DPP10: variants seen among roughly 807,000 people sequenced by gnomAD.
DPP10 encodes the protein inactive dipeptidyl peptidase 10.
A neutral mutation model predicts 120.9 loss-of-function variants in DPP10; 33 were observed. The observed-to-expected ratio is 0.27, with a 90% confidence interval of 0.21 to 0.37. DPP10 has a LOEUF of 0.37. Ranked by LOEUF, DPP10 falls within the 10% of genes least tolerant of loss-of-function variation. The pLI is 1.00. For missense variants in DPP10, 816 were observed against 942.8 expected (o/e 0.87, Z 1.76); for synonymous variants, 337 against 326.1 (o/e 1.03, Z -0.36).
intron 1 of DPP10, among the ~76,000 whole-genome samples, chr2:114,553,383 C>T (rs1688041936): frequency 1.3e-5 from 2 of 152,184 alleles, no homozygotes; most frequent in African/African-American, 4.8e-5. Flanking sequence ...GAGTTATTAC[C>T]ACAGTCTGTT....
At chr2:114,670,056 T>A (rs533102929) in intron 1 of DPP10, among the ~76,000 whole-genome samples, 6 of 152,178 alleles carry the variant, frequency 3.9e-5, no homozygotes, top group Admixed American at 3.9e-4. Context: ...ATAGGAACAC[T>A]TTTACACTGT....
chr2:114,634,125 A>G (rs566017561), intron 1 of DPP10, among the ~76,000 whole-genome samples: 1 of 152,068 alleles, frequency 6.6e-6, no homozygotes, highest in South Asian at 2.1e-4. Flanking sequence ...TTTAATCTGC[A>G]TGGTCTTATC....
At chr2:115,228,475 G>T (rs2057556597) in intron 1 of DPP10, among the ~76,000 whole-genome samples, 1 of 151,450 alleles carries the variant, frequency 6.6e-6, no homozygotes, top group South Asian at 2.1e-4. Flanking sequence ...CTATATTTTT[G>T]TACCCACTAA....
At chr2:115,069,628 T>C (rs1338770862) in intron 1 of DPP10, among the ~76,000 whole-genome samples, 1 of 152,088 alleles carries the variant, frequency 6.6e-6, no homozygotes, top group Non-Finnish European at 1.5e-5. Context: ...TCTTTGATTT[T>C]GTTGGAAATA....
At chr2:114,908,371 C>A (rs13032069) in intron 1 of DPP10, among the ~76,000 whole-genome samples, 37,755 of 151,726 alleles carry the variant, frequency 0.25, 4,741 homozygotes, top group African/African-American at 0.29. Context: ...TCTCACGTCT[C>A]TTTTTGTTTC....
At chr2:114,444,195 T>C (rs1229322693) in intron 1 of DPP10, among the ~76,000 whole-genome samples, 1 of 152,164 alleles carries the variant, frequency 6.6e-6, no homozygotes, top group Non-Finnish European at 1.5e-5. Context: ...AGTTTAGAAA[T>C]AAAAAATGTT....
chr2:115,817,703 C>G (rs1351537656), intron 21 of DPP10, among the ~76,000 whole-genome samples: 1 of 150,986 alleles, frequency 6.6e-6, no homozygotes, highest in South Asian at 2.1e-4. Flanking sequence ...AGGAAAACAT[C>G]TAAGAAAGTG....
At chr2:115,464,672 C>A (rs116100993) in intron 3 of DPP10, among the ~76,000 whole-genome samples, 1 of 152,284 alleles carries the variant, frequency 6.6e-6, no homozygotes, top group African/African-American at 2.4e-5. Context: ...TGAACTCTCA[C>A]AGACCAGGGC....
intron 1 of DPP10, among the ~76,000 whole-genome samples, chr2:114,690,324 A>G (rs1699653741): frequency 6.6e-6 from 1 of 152,064 alleles, no homozygotes; most frequent in Non-Finnish European, 1.5e-5. Flanking sequence ...TCCCAGCACC[A>G]TTGATTAAAT....
At chr2:114,724,064 T>C (rs921363707) in intron 1 of DPP10, among the ~76,000 whole-genome samples, 1 of 152,210 alleles carries the variant, frequency 6.6e-6, no homozygotes, top group Admixed American at 6.5e-5. Context: ...TTTCTATTTA[T>C]ACCAAGTCAC....
intron 12 of DPP10, among the ~76,000 whole-genome samples, chr2:115,767,564 T>C (rs949981531): frequency 2.0e-5 from 3 of 151,474 alleles, no homozygotes; most frequent in African/African-American, 7.3e-5. Context: ...TACACACACA[T>C]AAATATATAG....
chr2:114,691,003 T>C (rs1699705827), intron 1 of DPP10, among the ~76,000 whole-genome samples: 1 of 152,034 alleles, frequency 6.6e-6, no homozygotes, highest in African/African-American at 2.4e-5. Flanking sequence ...TAGGATCATG[T>C]CATCTTTAAA....
chr2:115,471,868 C>T (rs188263207), intron 3 of DPP10, among the ~76,000 whole-genome samples: 1 of 152,038 alleles, frequency 6.6e-6, no homozygotes, highest in Non-Finnish European at 1.5e-5. Flanking sequence ...GATCAACTGC[C>T]TCAGCCTCCC....
In DPP10 at chr2:115,814,809, G is replaced by A. The variant is rs779129164; in HGVS notation, c.1717G>A (p.Gly573Ser). ...LLLIMDEEPG[G>S]QLVTDKFHID... ...TATTTGCAGGGATGAAGAACCAGGA[G>A]GCCAGCTGGTTACAGATAAGTTCCA... Residue 573 changes from glycine to serine, a missense_variant, in exon 20 of 26, where the codon GGC (glycine) becomes AGC (serine). Transcript: ENST00000410059. 1.2e-5 allele frequency: 18 copies of A among 1,553,632 alleles called. No homozygotes were observed. Among genetic ancestry groups the A allele is most frequent in the Middle Eastern group, 1.7e-4 (1 of 5,856 alleles).
intron 13 of DPP10, among the ~76,000 whole-genome samples, chr2:115,774,797 A>C (rs1054516022): frequency 2.0e-5 from 3 of 152,138 alleles, no homozygotes; most frequent in African/African-American, 7.2e-5. Flanking sequence ...CTGTTAGTAC[A>C]CATGTGCAGT....
At chr2:114,476,366 GA>G (rs1384453951) in intron 1 of DPP10, among the ~76,000 whole-genome samples, 1 of 151,938 alleles carries the variant, frequency 6.6e-6, no homozygotes, top group Non-Finnish European at 1.5e-5. Context: ...AGTAGGCAAG[GA>G]AAAAAATGCA....
At chr2:115,441,328 G>C (rs1037622248) in intron 3 of DPP10, among the ~76,000 whole-genome samples, 6 of 152,194 alleles carry the variant, frequency 3.9e-5, no homozygotes, top group Admixed American at 2.6e-4. Context: ...TCTTCAGCAA[G>C]CTGTGATGTC....
intron 3 of DPP10, among the ~76,000 whole-genome samples, chr2:115,443,947 A>G (rs959291278): frequency 6.6e-6 from 1 of 152,164 alleles, no homozygotes; most frequent in Non-Finnish European, 1.5e-5. Flanking sequence ...ATCCCCCAGT[A>G]GTGACAGCCA....
At chr2:114,843,354 A>T (rs1688309322) in intron 1 of DPP10, among the ~76,000 whole-genome samples, 2 of 152,134 alleles carry the variant, frequency 1.3e-5, no homozygotes, top group Admixed American at 1.3e-4. Context: ...GGAACATTTT[A>T]TGAATTGCAA....
Sources: allele counts gnomAD v4.1 joint callset (sites outside exome capture counted in the v4.1 genomes callset), GRCh38; gene constraint gnomAD v4.1.1; transcripts MANE v1.5; gene names NCBI Gene and HGNC (gene_info 2026-07-23, HGNC 2026-07-21).